Variants in PDSS2 observed in about 807,000 individuals in gnomAD.
PDSS2 encodes decaprenyl diphosphate synthase subunit 2.
A neutral mutation model predicts 44.5 loss-of-function variants in PDSS2; 31 were observed. The observed-to-expected ratio is 0.70, with a 90% CI of 0.52 to 0.94. The LOEUF (loss-of-function observed/expected upper bound fraction) is 0.94, where lower values mean the gene tolerates loss of function less well. PDSS2 is among the 40% of genes least tolerant of loss of function. The pLI is 0.00. For synonymous variants in PDSS2, 157 were observed against 180.3 expected (o/e 0.87, Z 1.03); for missense variants, 452 against 482.2 (o/e 0.94, Z 0.59).
chr6:107,255,367 T>C (rs530927437), intron 3 of PDSS2, among the ~76,000 whole-genome samples: 1 of 151,654 alleles, frequency 6.6e-6, no homozygotes, highest in Admixed American at 6.6e-5. Flanking sequence ...TAATTTTGCA[T>C]TTTTAGTAGA....
At chr6:107,221,948 C>T (rs369311464) in intron 4 of PDSS2, among the ~76,000 whole-genome samples, 1 of 152,138 alleles carries the variant, frequency 6.6e-6, no homozygotes, top group Non-Finnish European at 1.5e-5. Context: ...AAGCTAGCTG[C>T]CTGTGAAGTT....
At chr6:107,211,596 G>T (rs1249452551) in intron 5 of PDSS2, among the ~76,000 whole-genome samples, 1 of 151,986 alleles carries the variant, frequency 6.6e-6, no homozygotes, top group African/African-American at 2.4e-5. Flanking sequence ...CAGGCGTGGT[G>T]GCATGTGCCT....
intron 1 of PDSS2, among the ~76,000 whole-genome samples, chr6:107,396,330 G>A (rs549594638): frequency 2.0e-5 from 3 of 152,214 alleles, no homozygotes; most frequent in Admixed American, 1.3e-4. Context: ...TACCACAGGC[G>A]CTGTTTGAAT....
chr6:107,161,863 C>G (rs6931491), intron 7 of PDSS2, among the ~76,000 whole-genome samples: 3 of 151,992 alleles, frequency 2.0e-5, no homozygotes, highest in African/African-American at 4.8e-5. Flanking sequence ...TTTGTTCTAT[C>G]TATATGTGTG....
At chr6:107,344,143 A>G (rs1342239180) in intron 1 of PDSS2, among the ~76,000 whole-genome samples, 1 of 152,212 alleles carries the variant, frequency 6.6e-6, no homozygotes, top group African/African-American at 2.4e-5. Context: ...AATTTCTCTG[A>G]GATTTAGACA....
At chr6:107,262,652 G>C (rs1232910452) in intron 3 of PDSS2, among the ~76,000 whole-genome samples, 1 of 152,062 alleles carries the variant, frequency 6.6e-6, no homozygotes, top group Non-Finnish European at 1.5e-5. Flanking sequence ...CGTGCCTGTA[G>C]TCCCAGCTAT....
At chr6:107,162,820 G>C (rs1392493944) in intron 7 of PDSS2, among the ~76,000 whole-genome samples, 1 of 151,894 alleles carries the variant, frequency 6.6e-6, no homozygotes, top group African/African-American at 2.4e-5. Context: ...GGCCAGGATG[G>C]TCTCGAACTC....
intron 3 of PDSS2, among the ~76,000 whole-genome samples, chr6:107,258,986 G>A (rs1775122240): frequency 6.6e-6 from 1 of 152,128 alleles, no homozygotes. Flanking sequence ...AAAGCATGAG[G>A]ATTTTGCAGT....
intron 7 of PDSS2, among the ~76,000 whole-genome samples, chr6:107,177,044 T>A (rs1771815242): frequency 6.7e-6 from 1 of 149,530 alleles, no homozygotes. Context: ...TCTCAAAATG[T>A]AATTAAATGA....
intron 2 of PDSS2, among the ~76,000 whole-genome samples, chr6:107,281,212 T>TG (rs1235494452): frequency 6.6e-6 from 1 of 151,994 alleles, no homozygotes; most frequent in African/African-American, 2.4e-5. Context: ...TAAAGAGGGT[T>TG]GGGGGCCCTC....
At chr6:107,340,528 C>T (rs1249745670) in intron 1 of PDSS2, among the ~76,000 whole-genome samples, 3 of 152,102 alleles carry the variant, frequency 2.0e-5, no homozygotes, top group South Asian at 2.1e-4. Flanking sequence ...CACTTCAACA[C>T]GTATGAAGGG....
intron 7 of PDSS2, among the ~76,000 whole-genome samples, chr6:107,180,777 C>T (rs1771947796): frequency 6.6e-6 from 1 of 152,036 alleles, no homozygotes; most frequent in South Asian, 2.1e-4. Flanking sequence ...GGAGAGACTG[C>T]CCCACTAAAT....
At chr6:107,377,979 G>A (rs1340853009) in intron 1 of PDSS2, among the ~76,000 whole-genome samples, 1 of 150,662 alleles carries the variant, frequency 6.6e-6, no homozygotes. Context: ...TGGCACATGT[G>A]TACATATGTA....
At chr6:107,347,292 T>C (rs1778282317) in intron 1 of PDSS2, among the ~76,000 whole-genome samples, 1 of 136,584 alleles carries the variant, frequency 7.3e-6, no homozygotes, top group African/African-American at 2.7e-5. Flanking sequence ...AGACGGAGTC[T>C]CGCTCTGTTG....
chr6:107,248,118 G>A (rs1053945671), intron 3 of PDSS2, among the ~76,000 whole-genome samples: 3 of 151,988 alleles, frequency 2.0e-5, no homozygotes, highest in Admixed American at 1.3e-4. Flanking sequence ...TCACAATTTA[G>A]TAAGCTCATT....
chr6:107,239,239 T>C (rs1242246088), intron 4 of PDSS2, among the ~76,000 whole-genome samples: 1 of 152,154 alleles, frequency 6.6e-6, no homozygotes, highest in East Asian at 1.9e-4. Flanking sequence ...ATTGTGCCAC[T>C]GCACTCCAGC....
In PDSS2 at chr6:107,447,339, G is replaced by A. The variant is rs117873481; in HGVS notation, c.296+11651C>T. ...CGACAGAGTGAGAATCCGTCAAAAAGCAAAACAAAAAAAAATCAAAAGCAA... is the reference window on the plus strand; with the variant it reads ...CGACAGAGTGAGAATCCGTCAAAAAACAAAACAAAAAAAAATCAAAAGCAA... On this transcript the variant is annotated intron_variant, in intron 1 of 7. Transcript: ENST00000369037. Among the ~76,000 whole-genome samples, 1,341 of 151,652 alleles carry A rather than the reference G, an allele frequency of 8.8e-3. 50 individuals carry two copies. The East Asian group carries it at 0.12, about 13-fold the overall frequency.
intron 2 of PDSS2, among the ~76,000 whole-genome samples, chr6:107,332,105 A>G (rs1777729421): frequency 1.4e-5 from 1 of 73,604 alleles, no homozygotes; most frequent in Non-Finnish European, 2.6e-5. Flanking sequence ...TATAAGGTAA[A>G]CTTTTTTTTT....
At chr6:107,409,705 G>A (rs967377117) in intron 1 of PDSS2, among the ~76,000 whole-genome samples, 2 of 152,162 alleles carry the variant, frequency 1.3e-5, no homozygotes, top group Admixed American at 6.5e-5. Flanking sequence ...TAGGCACTGA[G>A]CTAAACTCAT....
Sources: allele counts gnomAD v4.1 joint callset (sites outside exome capture counted in the v4.1 genomes callset), GRCh38; gene constraint gnomAD v4.1.1; transcripts MANE v1.5; gene names NCBI Gene and HGNC (gene_info 2026-07-23, HGNC 2026-07-21).